The following VPS13B variants were observed in gnomAD, a reference collection of about 807,000 sequenced individuals.
The protein encoded by VPS13B is intermembrane lipid transfer protein VPS13B.
In VPS13B, 285 loss-of-function variants were observed where a neutral mutation model predicts 426.4. That is an observed-to-expected ratio of 0.67 (90% confidence interval 0.61 to 0.74). The LOEUF (loss-of-function observed/expected upper bound fraction) is 0.74, where lower values mean the gene tolerates loss of function less well. VPS13B is among the 30% of genes least tolerant of loss of function. The probability of loss-of-function intolerance (pLI) is 0.00; values close to 1 mark genes in which losing one functional copy is unlikely to be tolerated. For synonymous variants in VPS13B, 1,676 were observed against 1,676.4 expected (o/e 1.00, Z 0.01); for missense variants, 4,537 against 4,782.6 (o/e 0.95, Z 1.51).
At chr8:99,842,407 G>A (rs965334543) in intron 54 of VPS13B, among the ~76,000 whole-genome samples, 30 of 151,626 alleles carry the variant, frequency 2.0e-4, no homozygotes, top group African/African-American at 7.0e-4. Context: ...AGGAGTTTGA[G>A]ACCCATCTGG....
At chr8:99,249,939 CCAAA>C (rs1804518439) in intron 17 of VPS13B, among the ~76,000 whole-genome samples, 1 of 152,124 alleles carries the variant, frequency 6.6e-6, no homozygotes, top group Non-Finnish European at 1.5e-5. Flanking sequence ...GGAGAAACTG[CCAAA>C]CAGTTTTCAG....
intron 19 of VPS13B, among the ~76,000 whole-genome samples, chr8:99,286,737 G>A (rs1411718920): frequency 1.3e-5 from 2 of 152,158 alleles, no homozygotes; most frequent in South Asian, 2.1e-4. Flanking sequence ...TATTTCCTAA[G>A]AGGCTTGCTA....
intron 8 of VPS13B, among the ~76,000 whole-genome samples, chr8:99,122,937 AC>A (rs1848014282): frequency 1.3e-5 from 2 of 151,428 alleles, no homozygotes. Context: ...ATATGGAGAA[AC>A]CCCATCTCTA....
At chr8:99,616,056 G>A (rs1261182198) in intron 33 of VPS13B, among the ~76,000 whole-genome samples, 1 of 152,098 alleles carries the variant, frequency 6.6e-6, no homozygotes, top group Non-Finnish European at 1.5e-5. Context: ...GTCTGGAGAA[G>A]GCCCCAGGAA....
intron 16 of VPS13B, among the ~76,000 whole-genome samples, chr8:99,184,168 G>A (rs1179698773): frequency 2.0e-5 from 3 of 152,148 alleles, no homozygotes; most frequent in Admixed American, 6.5e-5. Flanking sequence ...AGGCTATTAT[G>A]AATAATGCTG....
chr8:99,269,877 CA>C (rs1289264347), intron 17 of VPS13B, among the ~76,000 whole-genome samples: 1 of 152,012 alleles, frequency 6.6e-6, no homozygotes, highest in Non-Finnish European at 1.5e-5. Flanking sequence ...TATTTGATAT[CA>C]ATGTCTATCA....
intron 8 of VPS13B, among the ~76,000 whole-genome samples, chr8:99,129,069 T>C (rs1809605567): frequency 6.6e-6 from 1 of 152,092 alleles, no homozygotes; most frequent in Non-Finnish European, 1.5e-5. Context: ...ATATAGAGAA[T>C]AAATTTCAAC....
Position 99,873,959 on chromosome 8 carries a change from C to G in VPS13B, c.11746-1459C>G, listed in dbSNP as rs552627733. ...TCTGGTTTTTAGCTTTTGCCTAGTT[C>G]CTTTGAATTTTGGAAGGAATTAATT... On this transcript the variant is annotated intron_variant, in intron 61 of 61. Coordinates refer to ENST00000357162, the MANE Select transcript of VPS13B (RefSeq NM_152564.5). Among the ~76,000 whole-genome samples the G allele has an allele frequency of 1.3e-4, 20 of 152,216 alleles. No homozygotes were observed. The East Asian group carries it at 3.5e-3, about 26-fold the overall frequency.
At chr8:99,695,884 G>A (rs1831964887) in intron 35 of VPS13B, 1 of 152,176 alleles carries the variant, frequency 6.6e-6, no homozygotes, top group South Asian at 2.1e-4. Context: ...AGAATATTAA[G>A]TATGAGTGAA....
At chr8:99,239,992 C>T (rs959107903) in intron 17 of VPS13B, among the ~76,000 whole-genome samples, 1 of 152,114 alleles carries the variant, frequency 6.6e-6, no homozygotes, top group Admixed American at 6.5e-5. Context: ...AATGTAACTT[C>T]TAAGTCCCTT....
At chr8:99,287,692 G>A (rs77200097) in intron 19 of VPS13B, among the ~76,000 whole-genome samples, 24 of 152,008 alleles carry the variant, frequency 1.6e-4, no homozygotes, top group African/African-American at 4.8e-4. Flanking sequence ...ACAAAAGTAA[G>A]AAGCACAAAT....
rs1487429462 is a variant in VPS13B, at chr8:99,013,305, C to T, written c.-72C>T. The T allele has an allele frequency of 1.7e-5, 4 of 233,478 alleles. No individual in the cohort carries two copies. The highest frequency in any genetic ancestry group is 8.6e-6 in the Non-Finnish European group (1 of 116,430). 14.5% of individuals were successfully genotyped at this position (233,478 alleles called of 1,614,324 possible). A position where few individuals can be genotyped will look rare whatever the true frequency, so the allele number is the denominator to read the frequency against. ...GCAGCACTGCCGGCGGGGGCGGGTG[C>T]CAGGGACTTGGAGGTGGAGGGGACG... On this transcript the variant is annotated 5_prime_UTR_variant, in exon 1 of 62. Coordinates refer to ENST00000357162, the MANE Select transcript of VPS13B (RefSeq NM_152564.5).
intron 4 of VPS13B, among the ~76,000 whole-genome samples, chr8:99,098,755 G>GT (rs1310640601): frequency 6.6e-6 from 1 of 151,946 alleles, no homozygotes; most frequent in Non-Finnish European, 1.5e-5. Flanking sequence ...GTGTAATGCT[G>GT]TTTTTTATTA....
At chr8:99,640,916 T>C (rs1650141564) in intron 33 of VPS13B, among the ~76,000 whole-genome samples, 1 of 152,140 alleles carries the variant, frequency 6.6e-6, no homozygotes, top group African/African-American at 2.4e-5. Flanking sequence ...TTTTTTACTC[T>C]TATGGATTTT....
chr8:99,156,609 C>T lies in VPS13B; in HGVS notation c.2074C>T (p.Arg692Ter), dbSNP rs180177356. ...GTCTCTTCGGCCTTTGCCATCCATTCGAATATTGGTGGATAAAATTAATCT... is the reference window on the plus strand; with the variant it reads ...GTCTCTTCGGCCTTTGCCATCCATTTGAATATTGGTGGATAAAATTAATCT... ...FQSLRPLPSI[R>*]ILVDKINLEH... Residue 692 changes from arginine (R) to a stop codon, truncating the protein, a stop_gained, in exon 15 of 62, where the codon CGA becomes TGA. Transcript: ENST00000357162. LOFTEE classifies it high-confidence loss of function. 3.7e-6 allele frequency: 6 copies of T among 1,613,934 alleles called. No homozygotes were observed. The highest frequency in any genetic ancestry group is 2.2e-5 in the East Asian group (1 of 44,886).
intron 19 of VPS13B, among the ~76,000 whole-genome samples, chr8:99,319,634 T>C (rs1809866186): frequency 1.3e-5 from 2 of 152,178 alleles, no homozygotes; most frequent in Admixed American, 1.3e-4. Flanking sequence ...AACACTAATT[T>C]TTAAAAAATG....
chr8:99,072,290 C>T (rs916682287), intron 3 of VPS13B, among the ~76,000 whole-genome samples: 3 of 152,078 alleles, frequency 2.0e-5, no homozygotes, highest in Non-Finnish European at 4.4e-5. Context: ...CCTTAGTCAG[C>T]GCGTTATGAA....
At chr8:99,412,631 G>A (rs1408511327) in intron 21 of VPS13B, among the ~76,000 whole-genome samples, 2 of 152,142 alleles carry the variant, frequency 1.3e-5, no homozygotes, top group Non-Finnish European at 2.9e-5. Context: ...GTAAGAGTGG[G>A]CATCCTTGTC....
intron 24 of VPS13B, among the ~76,000 whole-genome samples, chr8:99,467,868 A>G (rs1819194309): frequency 6.8e-6 from 1 of 147,672 alleles, no homozygotes; most frequent in African/African-American, 2.7e-5. Context: ...TGGCTGATGG[A>G]ATGAAATCAG....
Sources: gnomAD v4.1 joint callset for allele counts (sites outside exome capture counted in the v4.1 genomes callset) on GRCh38, gnomAD v4.1.1 for gene constraint, MANE v1.5 for transcripts, NCBI Gene and HGNC (gene_info 2026-07-23, HGNC 2026-07-21) for gene names.